The following SH3RF1 variants were observed in gnomAD, a reference collection of about 807,000 sequenced individuals.
SH3RF1 encodes the protein E3 ubiquitin-protein ligase SH3RF1.
SH3RF1 carries 32 observed loss-of-function variants against 74.0 expected under a neutral mutation model. The ratio of observed to expected loss-of-function variants is 0.43; its 90% CI spans 0.33 to 0.58. The LOEUF is 0.58. Among genes scored for constraint, SH3RF1 ranks in the 20% least tolerant of loss-of-function variants. The probability of loss-of-function intolerance (pLI) is 0.05; values close to 1 mark genes in which losing one functional copy is unlikely to be tolerated. For synonymous variants in SH3RF1, 396 were observed against 439.6 expected (o/e 0.90, Z 1.24); for missense variants, 954 against 1,130.9 (o/e 0.84, Z 2.24).
At chr4:169,171,138 C>T (rs1319171769) in intron 2 of SH3RF1, among the ~76,000 whole-genome samples, 2 of 152,184 alleles carry the variant, frequency 1.3e-5, no homozygotes, top group Non-Finnish European at 2.9e-5. Flanking sequence ...TCTGGCCAAT[C>T]GCAGGCAGCC....
chr4:169,256,581 T>C (rs1579166426), intron 2 of SH3RF1, among the ~76,000 whole-genome samples: 1 of 152,156 alleles, frequency 6.6e-6, no homozygotes, highest in Non-Finnish European at 1.5e-5. Context: ...ACACCAATAG[T>C]CTGTTTTGTT....
chr4:169,175,656 C>T (rs1579120502), intron 2 of SH3RF1, among the ~76,000 whole-genome samples: 5 of 152,282 alleles, frequency 3.3e-5, no homozygotes, highest in African/African-American at 1.2e-4. Context: ...CTACCCTGCT[C>T]GTTTTCTTCA....
Position 169,267,634 on chromosome 4 carries a change from G to T in SH3RF1, c.393+1186C>A, listed in dbSNP as rs530459299. ...AATGATGAAACTGTTTTCTGATCAG[G>T]TTTTCCAGTGATTAAAATGGTCTAT... is the stretch of plus-strand genomic sequence containing the variant. On this transcript the variant is annotated intron_variant, in intron 2 of 11. Coordinates refer to ENST00000284637, the MANE Select transcript of SH3RF1 (RefSeq NM_020870.4). Among the ~76,000 whole-genome samples, 3 of 152,222 alleles carry T rather than the reference G, an allele frequency of 2.0e-5. No homozygotes were observed. In the East Asian group the frequency reaches 5.8e-4, roughly 29 times the overall value.
chr4:169,117,494 G>A, intron 9 of SH3RF1, 29 bp downstream of exon 9: 1 of 1,609,340 alleles, frequency 6.2e-7, no homozygotes. Flanking sequence ...CCTTTATCCT[G>A]ATATGTTCTG....
At chr4:169,181,033 T>C (rs1049095878) in intron 2 of SH3RF1, among the ~76,000 whole-genome samples, 11 of 152,136 alleles carry the variant, frequency 7.2e-5, no homozygotes, top group African/African-American at 2.2e-4. Flanking sequence ...CTTAGTAAAA[T>C]AGATGAAATC....
intron 2 of SH3RF1, among the ~76,000 whole-genome samples, chr4:169,253,774 T>A (rs1215834402): frequency 6.6e-6 from 1 of 152,228 alleles, no homozygotes; most frequent in East Asian, 1.9e-4. Context: ...ATAAGGTGTT[T>A]GGTAAAGATC....
intron 2 of SH3RF1, among the ~76,000 whole-genome samples, chr4:169,215,861 T>A (rs1044293949): frequency 3.9e-5 from 6 of 152,064 alleles, no homozygotes; most frequent in African/African-American, 1.4e-4. Flanking sequence ...TGGGGTGCAG[T>A]GGTGCAATCA....
chr4:169,132,005 A>T (rs1040513807), intron 5 of SH3RF1, among the ~76,000 whole-genome samples: 6 of 152,262 alleles, frequency 3.9e-5, no homozygotes, highest in Non-Finnish European at 5.9e-5. Flanking sequence ...AAGACTCGGT[A>T]TCCAGGGCCC....
intron 5 of SH3RF1, among the ~76,000 whole-genome samples, chr4:169,135,598 C>T (rs1035599889): frequency 3.5e-4 from 54 of 152,244 alleles, no homozygotes; most frequent in African/African-American, 1.2e-3. Context: ...TAAAGCCTAA[C>T]ACAGCAAATT....
intron 2 of SH3RF1, among the ~76,000 whole-genome samples, chr4:169,244,998 T>C (rs2110738527): frequency 6.6e-6 from 1 of 152,332 alleles, no homozygotes; most frequent in Middle Eastern, 3.4e-3. Context: ...CTACAGTACA[T>C]ATACTCGTAT....
At chr4:169,226,557 C>T (rs1440836321) in intron 2 of SH3RF1, among the ~76,000 whole-genome samples, 1 of 151,868 alleles carries the variant, frequency 6.6e-6, no homozygotes, top group Non-Finnish European at 1.5e-5. Context: ...CATCAAAGCC[C>T]ATGCTAATCT....
chr4:169,127,403 A>G (rs1261734055), intron 6 of SH3RF1, among the ~76,000 whole-genome samples: 2 of 152,226 alleles, frequency 1.3e-5, no homozygotes, highest in Non-Finnish European at 2.9e-5. Flanking sequence ...TAGTACTCAC[A>G]GTCTTCGGAA....
At chr4:169,216,972 G>A (rs374900640) in intron 2 of SH3RF1, among the ~76,000 whole-genome samples, 6 of 129,674 alleles carry the variant, frequency 4.6e-5, no homozygotes, top group East Asian at 4.8e-4. Context: ...GCAACATGGC[G>A]AAACCCCATC....
In SH3RF1 at chr4:169,203,221, C is replaced by T. The variant is rs142489684; in HGVS notation, c.394-46542G>A. 5.6e-4 allele frequency among the ~76,000 whole-genome samples: 85 copies of T among 152,296 alleles called. 1 individual carries two copies. The East Asian group carries it at 0.013, about 22-fold the overall frequency. On this transcript the variant is annotated intron_variant, in intron 2 of 11. Transcript: ENST00000284637. ...CAGAGTATCAACTCATAACTCAAAG[C>T]ATCTTGCTCTTTGTAGTTGAAAGAG...
At chr4:169,191,070 C>A (rs1298890832) in intron 2 of SH3RF1, among the ~76,000 whole-genome samples, 1 of 152,068 alleles carries the variant, frequency 6.6e-6, no homozygotes, top group Non-Finnish European at 1.5e-5. Flanking sequence ...AAGGGACATA[C>A]CTCAATGTAA....
chr4:169,096,820 A>C (rs1039514115), intron 11 of SH3RF1, 133 bp from the exon 12 acceptor site: 28 of 863,470 alleles, frequency 3.2e-5, no homozygotes, highest in African/African-American at 2.4e-4. Flanking sequence ...AAAACAACTC[A>C]AAATACTGCT....
In SH3RF1 at chr4:169,156,683, T is replaced by TAAA; in HGVS notation, c.394-7_394-5dup. ...CACATGGTAACTGAGGTATACCCTT[T>TAAA]AAAAAAAAAAGAGGGATGAATTTTA... On this transcript the variant is annotated splice_region_variant and splice_polypyrimidine_tract_variant and intron_variant, in intron 2 of 11. Transcript: ENST00000284637. 7.5e-7 allele frequency: 1 copy of TAAA among 1,333,236 alleles called. No homozygotes were observed. Among genetic ancestry groups the TAAA allele is most frequent in the Non-Finnish European group, 1.0e-6 (1 of 984,466 alleles). The allele number at this position is 1,333,236 out of a possible 1,614,324, so 82.6% of individuals were successfully genotyped here.
intron 2 of SH3RF1, among the ~76,000 whole-genome samples, chr4:169,218,301 AAATATAG>A (rs1253809136): frequency 1.1e-4 from 11 of 96,680 alleles, no homozygotes; most frequent in African/African-American, 3.3e-4. Flanking sequence ...TATATAATAT[AAATATAG>A]AATATAGAAT....
intron 10 of SH3RF1, among the ~76,000 whole-genome samples, chr4:169,111,034 G>T (rs1014524896): frequency 6.6e-6 from 1 of 151,690 alleles, no homozygotes; most frequent in Non-Finnish European, 1.5e-5. Context: ...CAGACCAGGC[G>T]CAGTGGCTCA....
Sources: gnomAD v4.1 joint callset for allele counts (sites outside exome capture counted in the v4.1 genomes callset) on GRCh38, gnomAD v4.1.1 for gene constraint, MANE v1.5 for transcripts, NCBI Gene and HGNC (gene_info 2026-07-23, HGNC 2026-07-21) for gene names.